Variants in CACNA2D3 observed in about 807,000 individuals in gnomAD.
The protein encoded by CACNA2D3 is calcium voltage-gated channel auxiliary subunit alpha2delta 3, also known as voltage-dependent calcium channel subunit alpha-2/delta-3.
In CACNA2D3, 60 loss-of-function variants were observed where a neutral mutation model predicts 160.6. That is an observed-to-expected ratio of 0.37 (90% confidence interval 0.30 to 0.46). The LOEUF (loss-of-function observed/expected upper bound fraction) is 0.46. CACNA2D3 is among the 20% of genes least tolerant of loss of function. The pLI is 1.00. For synonymous variants in CACNA2D3, 558 were observed against 492.9 expected, an observed-to-expected ratio of 1.13 and a Z score of -1.75; for missense variants, 1,205 against 1,365.0, an observed-to-expected ratio of 0.88 and a Z score of 1.85.
chr3:54,897,974 G>A (rs1313722607), intron 26 of CACNA2D3, among the ~76,000 whole-genome samples: 1 of 152,060 alleles, frequency 6.6e-6, no homozygotes, highest in African/African-American at 2.4e-5. Context: ...GGTTCTTTGG[G>A]TCTGTGCTCC....
chr3:55,058,232 G>A (rs1442613618), intron 35 of CACNA2D3, among the ~76,000 whole-genome samples: 2 of 152,158 alleles, frequency 1.3e-5, no homozygotes, highest in African/African-American at 4.8e-5. Flanking sequence ...TACATGATTT[G>A]TTTAATTATT....
At chr3:54,425,517 GT>G (rs1468315339) in intron 4 of CACNA2D3, among the ~76,000 whole-genome samples, 5 of 152,226 alleles carry the variant, frequency 3.3e-5, no homozygotes, top group African/African-American at 1.2e-4. Context: ...CCACTCTGCT[GT>G]TCATCTCCTT....
chr3:54,983,183 C>T (rs1702543981), intron 29 of CACNA2D3, among the ~76,000 whole-genome samples: 1 of 152,190 alleles, frequency 6.6e-6, no homozygotes, highest in Non-Finnish European at 1.5e-5. Context: ...TAAGACATTG[C>T]TGTCCAGAAG....
intron 31 of CACNA2D3, among the ~76,000 whole-genome samples, chr3:54,993,140 A>G (rs1702778968): frequency 6.6e-6 from 1 of 152,196 alleles, no homozygotes; most frequent in Non-Finnish European, 1.5e-5. Context: ...ATAGTTCAAC[A>G]TGAAATTTGG....
intron 2 of CACNA2D3, among the ~76,000 whole-genome samples, chr3:54,218,200 G>T (rs1471286325): frequency 6.6e-6 from 1 of 152,116 alleles, no homozygotes; most frequent in East Asian, 1.9e-4. Flanking sequence ...ACCAGGCCTG[G>T]CTTAACAGTG....
chr3:54,564,000 AT>A (rs1401157904), intron 6 of CACNA2D3, among the ~76,000 whole-genome samples: 1 of 152,224 alleles, frequency 6.6e-6, no homozygotes, highest in Admixed American at 6.5e-5. Flanking sequence ...CCTATTAAAG[AT>A]AATGCCATAA....
At chr3:54,259,512 T>C (rs1170704097) in intron 2 of CACNA2D3, among the ~76,000 whole-genome samples, 1 of 152,212 alleles carries the variant, frequency 6.6e-6, no homozygotes, top group Non-Finnish European at 1.5e-5. Flanking sequence ...AGATTTCATT[T>C]CTGCTGGATG....
chr3:54,521,453 A>G (rs1701645562), intron 5 of CACNA2D3, among the ~76,000 whole-genome samples: 1 of 152,030 alleles, frequency 6.6e-6, no homozygotes, highest in Non-Finnish European at 1.5e-5. Context: ...GTCCCTTATC[A>G]AGAGATATGA....
intron 11 of CACNA2D3, among the ~76,000 whole-genome samples, chr3:54,645,270 G>C (rs1432968988): frequency 6.6e-6 from 1 of 152,130 alleles, no homozygotes; most frequent in African/African-American, 2.4e-5. Flanking sequence ...AGAACTGCAT[G>C]GGGGAGACCA....
At chr3:54,770,799 G>T (rs1425123722) in intron 13 of CACNA2D3, among the ~76,000 whole-genome samples, 1 of 152,134 alleles carries the variant, frequency 6.6e-6, no homozygotes, top group African/African-American at 2.4e-5. Flanking sequence ...TTGTATAAAT[G>T]AATTAAATAT....
In CACNA2D3 at chr3:54,891,483, G is replaced by A. The variant is rs1391474473; in HGVS notation, c.2246+33G>A. The stretch of plus-strand genomic sequence containing the variant: ...GGAGGGATCCTCTACAGGGGCCCAG[G>A]GAGCTTCTGAAATGGAACATTCAAA... On this transcript the variant is annotated intron_variant, in intron 25 of 37. Coordinates refer to ENST00000474759, the MANE Select transcript of CACNA2D3 (RefSeq NM_018398.3). 4 of 1,473,496 alleles carry A rather than the reference G, an allele frequency of 2.7e-6. No homozygotes were observed. The Admixed American group carries it at 5.3e-5, about 19-fold the overall frequency. The allele number at this position is 1,473,496 out of a possible 1,614,324, so 91.3% of individuals were successfully genotyped here. A position where few individuals can be genotyped will look rare whatever the true frequency, so the allele number is the denominator to read the frequency against.
intron 2 of CACNA2D3, among the ~76,000 whole-genome samples, chr3:54,291,364 T>C (rs1575374412): frequency 1.3e-5 from 2 of 152,232 alleles, no homozygotes; most frequent in Non-Finnish European, 2.9e-5. Context: ...AAATATTGTC[T>C]AAATTTTGTC....
At chr3:54,863,267 CATCAG>C (rs764651044) in intron 17 of CACNA2D3, among the ~76,000 whole-genome samples, 4 of 152,222 alleles carry the variant, frequency 2.6e-5, no homozygotes, top group Non-Finnish European at 4.4e-5. Context: ...TGCTCCAACT[CATCAG>C]AGCAGATGCC....
rs576102458 is a variant in CACNA2D3, at chr3:54,803,849, C to T, written c.1381-13004C>T. Among the ~76,000 whole-genome samples the T allele has an allele frequency of 8.5e-5, 13 of 152,244 alleles. No homozygotes were observed. The South Asian group carries it at 2.5e-3, about 29-fold the overall frequency. Reference sequence around the variant, plus strand: ...AAAGGGAAGCCCATCAGACTAACAGCGGATCTCTCGGCAGAAACTCCACAA... The same window carrying T: ...AAAGGGAAGCCCATCAGACTAACAGTGGATCTCTCGGCAGAAACTCCACAA... On this transcript the variant is annotated intron_variant, in intron 13 of 37. Transcript: ENST00000474759.
intron 27 of CACNA2D3, among the ~76,000 whole-genome samples, chr3:54,942,737 A>C (rs1406076512): frequency 1.3e-5 from 2 of 151,988 alleles, no homozygotes; most frequent in East Asian, 1.9e-4. Flanking sequence ...AAAATAAAAA[A>C]AATTAGGCCA....
chr3:54,566,209 A>G (rs2106713063), intron 6 of CACNA2D3, among the ~76,000 whole-genome samples: 1 of 152,278 alleles, frequency 6.6e-6, no homozygotes, highest in African/African-American at 2.4e-5. Flanking sequence ...TTATGTTCTC[A>G]TTGATCCCTC....
intron 2 of CACNA2D3, among the ~76,000 whole-genome samples, chr3:54,202,999 C>A (rs1026519088): frequency 2.6e-5 from 4 of 152,184 alleles, no homozygotes; most frequent in Admixed American, 2.0e-4. Context: ...GTCTGGGGAT[C>A]ATGGCTGGTG....
At chr3:54,747,410 A>G (rs1001774728) in intron 11 of CACNA2D3, among the ~76,000 whole-genome samples, 1 of 151,956 alleles carries the variant, frequency 6.6e-6, no homozygotes, top group Non-Finnish European at 1.5e-5. Context: ...CTTACTCTCT[A>G]TGGCTGTGGA....
intron 4 of CACNA2D3, among the ~76,000 whole-genome samples, chr3:54,418,596 A>G (rs530270721): frequency 6.6e-6 from 1 of 152,358 alleles, no homozygotes; most frequent in South Asian, 2.1e-4. Flanking sequence ...TGGATGAGGT[A>G]GATATTCACC....
Sources: allele counts gnomAD v4.1 joint callset (sites outside exome capture counted in the v4.1 genomes callset), GRCh38; gene constraint gnomAD v4.1.1; transcripts MANE v1.5; gene names NCBI Gene and HGNC (gene_info 2026-07-23, HGNC 2026-07-21).